PSPH: variants seen among roughly 807,000 people sequenced by gnomAD.
PSPH encodes phosphoserine phosphatase, also known as L-3-phosphoserine phosphatase.
Under a neutral mutation model 23.4 loss-of-function variants are expected in PSPH, and 16 were observed. The observed-to-expected ratio is 0.68, with a 90% CI of 0.46 to 1.04. The LOEUF (loss-of-function observed/expected upper bound fraction) is 1.04. Ranked by LOEUF, PSPH falls within the 50% of genes least tolerant of loss-of-function variation. The probability of loss-of-function intolerance (pLI) is 0.00; values close to 1 mark genes in which losing one functional copy is unlikely to be tolerated. For missense variants in PSPH, 223 were observed against 273.7 expected, an observed-to-expected ratio of 0.81 and a Z score of 1.31; for synonymous variants, 68 against 99.7, an observed-to-expected ratio of 0.68 and a Z score of 1.89.
chr7:56,045,492 G>C (rs1272522137), intron 1 of PSPH, among the ~76,000 whole-genome samples: 2 of 152,000 alleles, frequency 1.3e-5, no homozygotes, highest in Admixed American at 6.6e-5. Context: ...AAAATTAATA[G>C]AAAATTACCA....
intron 1 of PSPH, among the ~76,000 whole-genome samples, chr7:56,037,420 C>CTTTTTT (rs533011383): frequency 1.4e-5 from 2 of 145,960 alleles, no homozygotes; most frequent in African/African-American, 2.5e-5. Flanking sequence ...GTTTTCTTTC[C>CTTTTTT]TTTTTTTTTT....
Position 56,015,581 on chromosome 7 carries a change from T to C in PSPH, c.422-410A>G, listed in dbSNP as rs1031219338. Among the ~76,000 whole-genome samples the C allele has an allele frequency of 2.6e-5, 4 of 152,154 alleles. No individual in the cohort carries two copies. In the East Asian group the frequency reaches 5.8e-4, roughly 22 times the overall value. ...TAAATAAATTGGGTGAATTTTGTTGTATCCTTTAAGCTTCCAGTAATTCTC... is the reference window on the plus strand; with the variant it reads ...TAAATAAATTGGGTGAATTTTGTTGCATCCTTTAAGCTTCCAGTAATTCTC... On this transcript the variant is annotated intron_variant, in intron 6 of 7. Transcript: ENST00000275605.
intron 3 of PSPH, among the ~76,000 whole-genome samples, chr7:56,025,707 C>T (rs933065670): frequency 1.3e-5 from 2 of 152,130 alleles, no homozygotes; most frequent in Non-Finnish European, 2.9e-5. Context: ...AATTCTCCTC[C>T]CTCAGCGTTC....
intron 2 of PSPH, chr7:56,032,988 C>T (rs1237275942): frequency 1.3e-5 from 2 of 151,132 alleles, no homozygotes; most frequent in African/African-American, 4.9e-5. Flanking sequence ...GGGTAGGTAT[C>T]AGGCATATAT....
intron 6 of PSPH, among the ~76,000 whole-genome samples, chr7:56,016,577 G>GTT (rs34367217): frequency 4.7e-5 from 7 of 149,764 alleles, no homozygotes; most frequent in Non-Finnish European, 8.9e-5. Flanking sequence ...TCTCTGTCTT[G>GTT]TTTTTTTTTA....
At chr7:56,040,312 T>C (rs1792346662) in intron 1 of PSPH, among the ~76,000 whole-genome samples, 1 of 152,152 alleles carries the variant, frequency 6.6e-6, no homozygotes, top group Non-Finnish European at 1.5e-5. Context: ...TGTGTGTCTA[T>C]ATCCAGGTAT....
At chr7:56,026,488 C>CAAAAAAAAAAA (rs56089644) in intron 3 of PSPH, among the ~76,000 whole-genome samples, 2 of 70,358 alleles carry the variant, frequency 2.8e-5, no homozygotes, top group Non-Finnish European at 5.3e-5. Context: ...GACTCCATCT[C>CAAAAAAAAAAA]AAAAAAAAAA....
At chr7:56,044,932 C>T (rs1433415623) in intron 1 of PSPH, among the ~76,000 whole-genome samples, 2 of 151,576 alleles carry the variant, frequency 1.3e-5, no homozygotes, top group Non-Finnish European at 2.9e-5. Flanking sequence ...ATTAGCTGGG[C>T]ATGCTGGTGC....
At chr7:56,029,359 G>C (rs1790636004) in intron 3 of PSPH, among the ~76,000 whole-genome samples, 1 of 151,926 alleles carries the variant, frequency 6.6e-6, no homozygotes, top group Non-Finnish European at 1.5e-5. Flanking sequence ...CGGTGGGAAG[G>C]TCTATTCTCA....
chr7:56,027,420 C>T lies in PSPH; in HGVS notation c.-20+4509G>A, dbSNP rs75695345. Among the ~76,000 whole-genome samples, 1,197 of 151,940 alleles carry T rather than the reference C, an allele frequency of 7.9e-3. 41 individuals carry two copies. The highest frequency in any genetic ancestry group is 0.019 in the East Asian group (96 of 5,112). On this transcript the variant is annotated intron_variant, in intron 3 of 7. Transcript: ENST00000275605. ...AATGATTAGACAAATAATTACTGGCCATGTTTGAAAAACCAGTTACTTTGG... is the reference window on the plus strand; with the variant it reads ...AATGATTAGACAAATAATTACTGGCTATGTTTGAAAAACCAGTTACTTTGG...
intron 1 of PSPH, among the ~76,000 whole-genome samples, chr7:56,042,439 C>G (rs1792675565): frequency 6.6e-6 from 1 of 151,864 alleles, no homozygotes. Context: ...TTGCTTGAGG[C>G]CAGGAGTTCA....
At chr7:56,017,526 G>A in intron 5 of PSPH, 147 bp from the exon 6 acceptor site, 1 of 1,466,776 alleles carries the variant, frequency 6.8e-7, no homozygotes, top group East Asian at 2.5e-5. Flanking sequence ...ACTGCCTGGG[G>A]TGTTAATGTT....
intron 3 of PSPH, among the ~76,000 whole-genome samples, chr7:56,031,397 C>T (rs1036656654): frequency 2.6e-5 from 4 of 152,192 alleles, no homozygotes; most frequent in South Asian, 4.1e-4. Context: ...AACAAACCTG[C>T]ACATGTACTC....
At chr7:56,043,338 A>C (rs1226375787) in intron 1 of PSPH, 2 of 151,940 alleles carry the variant, frequency 1.3e-5, no homozygotes, top group African/African-American at 4.8e-5. Flanking sequence ...TTTTCAACGA[A>C]GATAACCCAA....
At chr7:56,016,268 G>A (rs1026098434) in intron 6 of PSPH, among the ~76,000 whole-genome samples, 3 of 151,486 alleles carry the variant, frequency 2.0e-5, no homozygotes, top group African/African-American at 7.3e-5. Context: ...GCCAGGTGTG[G>A]TGGTGGGCAC....
chr7:56,021,239 A>T lies in PSPH; in HGVS notation c.-19-8T>A. 1.3e-6 allele frequency: 2 copies of T among 1,528,436 alleles called. No individual in the cohort carries two copies. The highest frequency in any genetic ancestry group is 1.7e-6 in the Non-Finnish European group (2 of 1,155,960). The allele number at this position is 1,528,436 out of a possible 1,614,324, so 94.7% of individuals were successfully genotyped here. A position where few individuals can be genotyped will look rare whatever the true frequency, so the allele number is the denominator to read the frequency against. ...GCTGGAAGAATTTTCCTCCTACAAG[A>T]AAAAAGATAAATGTATTTAAAGACA... is the stretch of plus-strand genomic sequence containing the variant. On this transcript the variant is annotated splice_polypyrimidine_tract_variant and splice_region_variant and intron_variant, in intron 3 of 7. Coordinates refer to ENST00000275605, the MANE Select transcript of PSPH (RefSeq NM_004577.4).
At chr7:56,019,500 C>A in intron 5 of PSPH, 100 bp downstream of exon 5, 1 of 1,399,364 alleles carries the variant, frequency 7.1e-7, no homozygotes, top group Non-Finnish European at 9.6e-7. Flanking sequence ...AATAAATAAA[C>A]CACCCAGAGG....
chr7:56,024,419 A>C (rs142159321), intron 3 of PSPH, among the ~76,000 whole-genome samples: 1 of 152,226 alleles, frequency 6.6e-6, no homozygotes, highest in African/African-American at 2.4e-5. Context: ...TCAAAAGAAG[A>C]ATAATATTTT....
Position 56,011,931 on chromosome 7 carries a change from A to C in PSPH, c.571-62T>G, listed in dbSNP as rs958811393. The stretch of plus-strand genomic sequence containing the variant: ...TTTTATTTATTTATTTATTTTTTGG[A>C]GTCTCGCTCTGTCACCCAGGCTGGA... On this transcript the variant is annotated intron_variant, in intron 7 of 7. Coordinates refer to ENST00000275605, the MANE Select transcript of PSPH (RefSeq NM_004577.4). The C allele has an allele frequency of 3.0e-6, 4 of 1,348,606 alleles. No individual in the cohort carries two copies. The Admixed American group carries it at 5.7e-5, about 19-fold the overall frequency. The allele number at this position is 1,348,606 out of a possible 1,614,324, so 83.5% of individuals were successfully genotyped here.
Sources: gnomAD v4.1 joint callset for allele counts (sites outside exome capture counted in the v4.1 genomes callset) on GRCh38, gnomAD v4.1.1 for gene constraint, MANE v1.5 for transcripts, NCBI Gene and HGNC (gene_info 2026-07-23, HGNC 2026-07-21) for gene names.